The following SEMA6D variants were observed in gnomAD, a reference collection of about 807,000 sequenced individuals.
SEMA6D encodes the protein semaphorin-6D.
Under a neutral mutation model 106.6 loss-of-function variants are expected in SEMA6D, and 35 were observed. The observed-to-expected ratio is 0.33, with a 90% confidence interval of 0.25 to 0.44. The LOEUF is 0.44. SEMA6D is among the 20% of genes least tolerant of loss of function. SEMA6D has a pLI of 1.00. For missense variants in SEMA6D, 1,185 were observed against 1,345.9 expected, an observed-to-expected ratio of 0.88 and a Z score of 1.87; for synonymous variants, 499 against 487.7, an observed-to-expected ratio of 1.02 and a Z score of -0.31.
chr15:47,348,725 CACAG>C (rs1198497076), intron 1 of SEMA6D, among the ~76,000 whole-genome samples: 21 of 47,694 alleles, frequency 4.4e-4, no homozygotes, highest in African/African-American at 8.4e-4. Context: ...ACACCACACA[CACAG>C]AGAGAGAGAG....
At chr15:47,681,587 A>G (rs896863819) in intron 4 of SEMA6D, among the ~76,000 whole-genome samples, 1 of 152,206 alleles carries the variant, frequency 6.6e-6, no homozygotes, top group Non-Finnish European at 1.5e-5. Context: ...AAGAGGATAG[A>G]TCTCATGTGC....
intron 4 of SEMA6D, among the ~76,000 whole-genome samples, chr15:47,602,640 C>G (rs141701007): frequency 3.3e-5 from 5 of 152,130 alleles, no homozygotes; most frequent in African/African-American, 9.6e-5. Flanking sequence ...GGAAAGGTTA[C>G]CCCAGCATCA....
chr15:47,254,009 A>C lies in SEMA6D; in HGVS notation c.-239+69591A>C, dbSNP rs974729154. ...GCATTGAGAATCTTTCTATCTCCTT[A>C]TGTCCTCTTCAATTTCTTCCTTCAG... On this transcript the variant is annotated intron_variant, in intron 1 of 19. Coordinates refer to the SEMA6D transcript ENST00000558014. 3.3e-5 allele frequency among the ~76,000 whole-genome samples: 5 copies of C among 151,784 alleles called. No individual in the cohort carries two copies. The East Asian group carries it at 7.7e-4, about 23-fold the overall frequency.
chr15:47,215,570 AATTC>A (rs2030506568), intron 1 of SEMA6D, among the ~76,000 whole-genome samples: 2 of 152,190 alleles, frequency 1.3e-5, no homozygotes, highest in Admixed American at 6.5e-5. Context: ...TTAATACAGG[AATTC>A]ATTCATAGCT....
At chr15:47,254,352 T>TATATATATATATAA (rs1236308586) in intron 1 of SEMA6D, among the ~76,000 whole-genome samples, 5 of 147,998 alleles carry the variant, frequency 3.4e-5, no homozygotes, top group African/African-American at 7.3e-5. Flanking sequence ...TATATATATA[T>TATATATATATATAA]AAATGATTGT....
At chr15:47,766,317 C>G in intron 15 of SEMA6D, 135 bp downstream of exon 15, 2 of 752,050 alleles carry the variant, frequency 2.7e-6, no homozygotes, top group Non-Finnish European at 4.3e-6. Flanking sequence ...AAAACGAAAA[C>G]CAGGAGACGT....
intron 3 of SEMA6D, among the ~76,000 whole-genome samples, chr15:47,565,963 A>G (rs1022372640): frequency 6.6e-6 from 1 of 152,192 alleles, no homozygotes; most frequent in African/African-American, 2.4e-5. Flanking sequence ...ATATTTTTTA[A>G]ACATCGCAAA....
intron 1 of SEMA6D, among the ~76,000 whole-genome samples, chr15:47,744,865 G>T (rs1486805754): frequency 6.6e-6 from 1 of 152,104 alleles, no homozygotes; most frequent in Non-Finnish European, 1.5e-5. Context: ...TTTCAATGCA[G>T]GCACCAAACT....
At chr15:47,268,089 G>A (rs1042539291) in intron 1 of SEMA6D, among the ~76,000 whole-genome samples, 26 of 152,034 alleles carry the variant, frequency 1.7e-4, no homozygotes, top group African/African-American at 5.3e-4. Context: ...AAACAGAAAC[G>A]GCAGTTTAAC....
chr15:47,745,440 T>C (rs923273301), intron 1 of SEMA6D, among the ~76,000 whole-genome samples: 4 of 152,248 alleles, frequency 2.6e-5, no homozygotes, highest in Non-Finnish European at 5.9e-5. Context: ...TCCAGAGCCA[T>C]GTTCTCTACC....
At chr15:47,184,424 T>C (rs1409843268) in intron 1 of SEMA6D, 1 of 152,314 alleles carries the variant, frequency 6.6e-6, no homozygotes, top group African/African-American at 2.4e-5. Flanking sequence ...CCCAAGTAAG[T>C]CTTCCCTTTT....
At chr15:47,537,595 T>A (rs914935238) in intron 3 of SEMA6D, among the ~76,000 whole-genome samples, 3 of 152,228 alleles carry the variant, frequency 2.0e-5, no homozygotes, top group Non-Finnish European at 2.9e-5. Flanking sequence ...GAAATAATAC[T>A]GGCTCAAATG....
intron 3 of SEMA6D, among the ~76,000 whole-genome samples, chr15:47,528,075 C>A (rs1380232402): frequency 1.3e-5 from 2 of 152,100 alleles, no homozygotes; most frequent in African/African-American, 4.8e-5. Context: ...TTGACTACAC[C>A]CAGAACAAAA....
chr15:47,339,977 G>A (rs914918656), intron 1 of SEMA6D, among the ~76,000 whole-genome samples: 2 of 152,122 alleles, frequency 1.3e-5, no homozygotes, highest in Non-Finnish European at 2.9e-5. Flanking sequence ...GGAATTGGAA[G>A]GTCACTGATT....
intron 1 of SEMA6D, among the ~76,000 whole-genome samples, chr15:47,293,243 G>A (rs1300181518): frequency 6.6e-6 from 1 of 152,074 alleles, no homozygotes; most frequent in Non-Finnish European, 1.5e-5. Flanking sequence ...CTGGGCTCTG[G>A]GTGTATCTTG....
chr15:47,729,990 T>G (rs995740415), intron 1 of SEMA6D, among the ~76,000 whole-genome samples: 2 of 152,004 alleles, frequency 1.3e-5, no homozygotes, highest in Non-Finnish European at 2.9e-5. Flanking sequence ...CGGGAGAGAG[T>G]CTATATGACC....
intron 3 of SEMA6D, 85 bp downstream of exon 3, chr15:47,760,500 AAT>A: frequency 9.6e-7 from 1 of 1,037,592 alleles, no homozygotes; most frequent in Middle Eastern, 2.2e-4. Context: ...ATGAAAAACT[AAT>A]ATGTGATTGT....
Position 47,762,232 on chromosome 15 carries a change from T to C in SEMA6D, c.571T>C (p.Phe191Leu). 1 of 1,613,694 alleles carries C rather than the reference T, an allele frequency of 6.2e-7. No individual in the cohort carries two copies. Among genetic ancestry groups the C allele is most frequent in the Non-Finnish European group, 8.5e-7 (1 of 1,179,654 alleles). ...GCTGTATTCTGCCACAGTGGCTGAC[T>C]TCTTGGCCAGCGATGCCGTTATTTA... The part of the protein sequence containing the change: ...GKLYSATVAD[F>L]LASDAVIYRS... Residue 191 changes from phenylalanine (F) to leucine (L), a missense_variant, in exon 8 of 19, where the codon TTC becomes CTC. By Grantham distance (22) the Phe-to-Leu change is conservative. This residue lies in a region of SEMA6D where 291 missense variants were observed against 423.8 expected (regional missense o/e 0.69). Transcript: ENST00000536845.
intron 1 of SEMA6D, among the ~76,000 whole-genome samples, chr15:47,279,797 G>T (rs988691624): frequency 6.6e-6 from 1 of 151,432 alleles, no homozygotes; most frequent in African/African-American, 2.4e-5. Context: ...TGTGTTTTTT[G>T]TCTTTGGTTC....
Sources: allele counts gnomAD v4.1 joint callset (sites outside exome capture counted in the v4.1 genomes callset), GRCh38; gene constraint gnomAD v4.1.1; regional missense constraint gnomAD v4.1.1; transcripts MANE v1.5; gene names NCBI Gene and HGNC (gene_info 2026-07-23, HGNC 2026-07-21).